Variants in YLPM1 observed in about 807,000 individuals in gnomAD.
The protein encoded by YLPM1 is YLP motif containing 1, also known as YLP motif-containing protein 1.
YLPM1 carries 99 observed loss-of-function variants against 230.0 expected under a neutral mutation model. That is an observed-to-expected ratio of 0.43 (90% CI 0.37 to 0.51). The LOEUF (loss-of-function observed/expected upper bound fraction) is 0.51. Ranked by LOEUF, YLPM1 falls within the 20% of genes least tolerant of loss-of-function variation. YLPM1 has a pLI of 0.00. For synonymous variants in YLPM1, 984 were observed against 942.5 expected, an observed-to-expected ratio of 1.04 and a Z score of -0.81; for missense variants, 2,592 against 2,707.7, an observed-to-expected ratio of 0.96 and a Z score of 0.95.
At chr14:74,795,434 TC>T (rs1342998385) in intron 4 of YLPM1, among the ~76,000 whole-genome samples, 1 of 152,168 alleles carries the variant, frequency 6.6e-6, no homozygotes, top group Non-Finnish European at 1.5e-5. Flanking sequence ...AGAAAAAGCC[TC>T]CTAGCACTCA....
chr14:74,824,296 A>G lies in YLPM1; in HGVS notation c.6152A>G (p.Glu2051Gly). The G allele has an allele frequency of 6.2e-7, 1 of 1,612,322 alleles. No homozygotes were observed. The change falls in exon 18 of 21, where the codon GAG becomes GGG. Residue 2051 changes from glutamate (E) to glycine (G), a missense_variant. This residue lies in a region of YLPM1 where 315 missense variants were observed against 429.3 expected (regional missense o/e 0.73). Transcript: ENST00000325680. Reference sequence around the variant, plus strand: ...AGCAAATGGGAGATGGACACATCTGAGGCAAAGCTAGGTGGGTATTTCCTT... The same window carrying G: ...AGCAAATGGGAGATGGACACATCTGGGGCAAAGCTAGGTGGGTATTTCCTT... The part of the protein sequence containing the change: ...PKSKWEMDTS[E>G]AKLDKLDGLR...
At chr14:74,780,361 C>T in intron 2 of YLPM1, 44 bp from the exon 3 acceptor site, 1 of 1,547,232 alleles carries the variant, frequency 6.5e-7, no homozygotes, top group Admixed American at 2.0e-5. Context: ...TTTTTGCTTG[C>T]TGTTTTATGA....
intron 19 of YLPM1, among the ~76,000 whole-genome samples, chr14:74,830,504 A>G (rs1193250967): frequency 2.0e-5 from 3 of 152,330 alleles, no homozygotes; most frequent in Middle Eastern, 3.4e-3. Flanking sequence ...TTAAAGGGCT[A>G]CTTGGTGTCC....
intron 1 of YLPM1, among the ~76,000 whole-genome samples, chr14:74,767,608 G>A (rs1488010186): frequency 6.6e-6 from 1 of 152,192 alleles, no homozygotes; most frequent in African/African-American, 2.4e-5. Flanking sequence ...AACCAAAAAT[G>A]TTTCCACACA....
rs890184757 is a variant in YLPM1, at chr14:74,782,474, G to A, written c.2282+149G>A. The A allele has an allele frequency of 6.5e-5, 63 of 975,598 alleles. No homozygotes were observed. In the Admixed American group the frequency reaches 6.6e-4, roughly 10 times the overall value. The allele number at this position is 975,598 out of a possible 1,614,324, so 60.4% of individuals were successfully genotyped here. A position where few individuals can be genotyped will look rare whatever the true frequency, so the allele number is the denominator to read the frequency against. Reference sequence around the variant, plus strand: ...GTCTGCTTGTTAAGACATCACGTATGTAATCTAGAAAAGGTAACATGCCCC... The same window carrying A: ...GTCTGCTTGTTAAGACATCACGTATATAATCTAGAAAAGGTAACATGCCCC... On this transcript the variant is annotated intron_variant, in intron 4 of 20. Transcript: ENST00000325680.
chr14:74,802,577 A>C lies in YLPM1; in HGVS notation c.4422A>C (p.Gln1474His). The C allele has an allele frequency of 1.9e-6, 3 of 1,612,640 alleles. No homozygotes were observed. Among genetic ancestry groups the C allele is most frequent in the Non-Finnish European group, 2.5e-6 (3 of 1,179,428 alleles). Residue 1474 changes from glutamine to histidine, a missense_variant, in exon 6 of 21, where the codon CAA becomes CAC. Physicochemically the swap from Gln to His is conservative, Grantham distance 24 (BLOSUM62 0). Around this residue, in one of 4 missense-constraint regions of YLPM1, gnomAD observed 403 missense variants for 426.7 expected, o/e 0.94. Transcript: ENST00000325680. ...GCAGGGAACAGAAAGAACAGCTTCA[A>C]AAGATGAAAGACTTCGGGTCTGAGC... ...KMLREQKEQL[Q>H]KMKDFGSEPQ...
chr14:74,810,416 G>A lies in YLPM1; in HGVS notation c.5224G>A (p.Asp1742Asn). The A allele has an allele frequency of 6.2e-7, 1 of 1,613,664 alleles. No homozygotes were observed. The highest frequency in any genetic ancestry group is 8.5e-7 in the Non-Finnish European group (1 of 1,179,794). The change falls in exon 9 of 21, where the codon GAT becomes AAT. Residue 1742 changes from aspartate to asparagine, a missense_variant. Physicochemically the swap from Asp to Asn is conservative, Grantham distance 23. Coordinates refer to ENST00000325680, the MANE Select transcript of YLPM1 (RefSeq NM_019589.3). ...TGACAGAGAACGCCGACCCCGAGAT[G>A]ATAGGTATGCTATAAAACAATCTTT... The part of the protein sequence containing the change: ...RFDRERRPRD[D>N]RAQSYRDKKD...
intron 1 of YLPM1, among the ~76,000 whole-genome samples, chr14:74,767,818 ATTT>A (rs747395491): frequency 7.0e-6 from 1 of 142,186 alleles, no homozygotes; most frequent in Non-Finnish European, 1.5e-5. Context: ...TGTCTTCCAC[ATTT>A]TTTTTTTTTT....
chr14:74,766,636 ATT>A (rs34932979), intron 1 of YLPM1, among the ~76,000 whole-genome samples: 7 of 110,352 alleles, frequency 6.3e-5, no homozygotes, highest in Non-Finnish European at 3.6e-5. Context: ...ATGCCTGGCT[ATT>A]TTTTTTTTTT....
chr14:74,777,816 CAT>C (rs1479727599), intron 1 of YLPM1, among the ~76,000 whole-genome samples: 1 of 151,588 alleles, frequency 6.6e-6, no homozygotes, highest in Non-Finnish European at 1.5e-5. Flanking sequence ...GTCTATAAAA[CAT>C]AAAAAAATTA....
rs775782073 is a variant in YLPM1, at chr14:74,798,992, G to A, written c.3695G>A (p.Arg1232His). 32 of 1,613,784 alleles carry A rather than the reference G, an allele frequency of 2.0e-5. No individual in the cohort carries two copies. The highest frequency in any genetic ancestry group is 6.7e-5 in the Admixed American group (4 of 59,986). The change falls in exon 5 of 21, where the codon CGT becomes CAT. Residue 1232 changes from arginine (R) to histidine (H), a missense_variant. By Grantham distance (29) the Arg-to-His change is conservative. This residue lies in a region of YLPM1 where 1,862 missense variants were observed against 1,819.8 expected (regional missense o/e 1.02). Coordinates refer to ENST00000325680, the MANE Select transcript of YLPM1 (RefSeq NM_019589.3). ...GAGAGATACTGGAGAGAATGTGAAC[G>A]TGACTATCAAGATGATACACTAGAG... ...DRERYWRECE[R>H]DYQDDTLELY...
At chr14:74,807,240 C>A (rs2091388953) in intron 6 of YLPM1, among the ~76,000 whole-genome samples, 1 of 151,872 alleles carries the variant, frequency 6.6e-6, no homozygotes, top group Admixed American at 6.6e-5. Context: ...TCTCCAGGAT[C>A]TAAAATAGCG....
intron 1 of YLPM1, among the ~76,000 whole-genome samples, chr14:74,772,194 A>C (rs1470788654): frequency 6.6e-6 from 1 of 151,396 alleles, no homozygotes; most frequent in Non-Finnish European, 1.5e-5. Flanking sequence ...GTGCTTCCTG[A>C]GTAAATTAAA....
intron 18 of YLPM1, chr14:74,827,968 A>G (rs1352929474): frequency 1.0e-6 from 1 of 983,108 alleles, no homozygotes; most frequent in Admixed American, 6.2e-5. Flanking sequence ...AATTTTTGTG[A>G]GTTTTATAAA....
In YLPM1 at chr14:74,781,672, AC is replaced by A; in HGVS notation, c.1631del (p.Pro544HisfsTer3). ...CTCCAGTGTTGCCTCCTTCATTGCCACCACCAGTGATGCCCCCTGCCCTCCC... is the reference window on the plus strand; with the variant it reads ...CTCCAGTGTTGCCTCCTTCATTGCCACACCAGTGATGCCCCCTGCCCTCCC... ...PPPVLPPSLP[P>X]PVMPPALPAT... On this transcript the variant is annotated frameshift_variant, in exon 4 of 21. Transcript: ENST00000325680. LOFTEE classifies it high-confidence loss of function. The A allele has an allele frequency of 6.2e-7, 1 of 1,604,040 alleles. No individual in the cohort carries two copies. The highest frequency in any genetic ancestry group is 8.5e-7 in the Non-Finnish European group (1 of 1,176,986).
intron 4 of YLPM1, among the ~76,000 whole-genome samples, chr14:74,793,906 T>C (rs1283115808): frequency 1.3e-5 from 2 of 152,226 alleles, no homozygotes; most frequent in South Asian, 2.1e-4. Flanking sequence ...CCCCCTAGTG[T>C]CTGAGAATCC....
At chr14:74,776,481 C>G (rs762139076) in intron 1 of YLPM1, among the ~76,000 whole-genome samples, 2 of 152,190 alleles carry the variant, frequency 1.3e-5, no homozygotes, top group Non-Finnish European at 2.9e-5. Flanking sequence ...GACATAAGAC[C>G]GCTTTCTTGC....
At chr14:74,781,276 CTATGAT>C in intron 3 of YLPM1, 52 bp from the exon 4 acceptor site, 1 of 1,445,526 alleles carries the variant, frequency 6.9e-7, no homozygotes, top group Non-Finnish European at 9.1e-7. Context: ...ATATTTTAAC[CTATGAT>C]TAATTATCTT....
chr14:74,800,843 T>G (rs1253805352), intron 5 of YLPM1, among the ~76,000 whole-genome samples: 1 of 152,222 alleles, frequency 6.6e-6, no homozygotes, highest in African/African-American at 2.4e-5. Flanking sequence ...ACCGTGTAAC[T>G]GGGCACTTGC....
Sources: gnomAD v4.1 joint callset for allele counts (sites outside exome capture counted in the v4.1 genomes callset) on GRCh38, gnomAD v4.1.1 for gene constraint, gnomAD v4.1.1 regional missense constraint, MANE v1.5 for transcripts, NCBI Gene and HGNC (gene_info 2026-07-23, HGNC 2026-07-21) for gene names.